The following RAD51 variants were observed in gnomAD, a reference collection of about 807,000 sequenced individuals.
RAD51 encodes RAD51 recombinase, also known as DNA repair protein RAD51 homolog 1.
In RAD51, 14 loss-of-function variants were observed where a neutral mutation model predicts 41.5. That is an observed-to-expected ratio of 0.34 (90% CI 0.22 to 0.53). RAD51 has a LOEUF of 0.53. Ranked by LOEUF, RAD51 falls within the 20% of genes least tolerant of loss-of-function variation. RAD51 has a pLI of 0.95. For synonymous variants in RAD51, 136 were observed against 148.6 expected (o/e 0.92, Z 0.62); for missense variants, 234 against 422.0 (o/e 0.55, Z 3.90).
chr15:40,727,365 G>A (rs1430339357), intron 6 of RAD51, among the ~76,000 whole-genome samples: 1 of 152,060 alleles, frequency 6.6e-6, no homozygotes, highest in Admixed American at 6.6e-5. Context: ...ATGGAGTGCA[G>A]TGGTGCGATC....
chr15:40,698,937 T>A (rs896643502), intron 2 of RAD51, 92 bp downstream of exon 2: 6 of 1,319,288 alleles, frequency 4.5e-6, no homozygotes, highest in Admixed American at 3.5e-5. Flanking sequence ...ATAGGTTTAC[T>A]ACCAAGGTCA....
chr15:40,696,829 G>C (rs1894669353), intron 1 of RAD51, among the ~76,000 whole-genome samples: 1 of 147,012 alleles, frequency 6.8e-6, no homozygotes, highest in Non-Finnish European at 1.5e-5. Flanking sequence ...GTCTTAATGT[G>C]ATTTTAATTT....
At position 40,718,797 on chromosome 15, in the gene RAD51, C is replaced by A; in HGVS notation, c.436-8C>A. 1 of 1,594,494 alleles carries A rather than the reference C, an allele frequency of 6.3e-7. No individual in the cohort carries two copies. The highest frequency in any genetic ancestry group is 1.1e-5 in the South Asian group (1 of 90,658). ...GTTCATTTCTACTGTTGTTTTTGTT[C>A]TCTATAGCTTCCCATTGACCGGGGT... On this transcript the variant is annotated splice_region_variant and splice_polypyrimidine_tract_variant and intron_variant, in intron 5 of 9. Coordinates refer to ENST00000267868, the MANE Select transcript of RAD51 (RefSeq NM_002875.5).
chr15:40,701,282 A>G, intron 3 of RAD51, 81 bp downstream of exon 3: 1 of 1,482,102 alleles, frequency 6.7e-7, no homozygotes, highest in Non-Finnish European at 9.4e-7. Flanking sequence ...TCTTCCTTCT[A>G]TCTCTTATTC....
At chr15:40,730,962 T>C (rs985166117) in intron 9 of RAD51, 93 bp from the exon 10 acceptor site, 26 of 1,522,656 alleles carry the variant, frequency 1.7e-5, no homozygotes, top group Non-Finnish European at 2.2e-5. Context: ...AGGAAGAATA[T>C]ATGTCTAAAA....
intron 6 of RAD51, among the ~76,000 whole-genome samples, chr15:40,727,371 C>T (rs564256819): frequency 2.0e-5 from 3 of 152,016 alleles, no homozygotes; most frequent in Non-Finnish European, 4.4e-5. Flanking sequence ...TGCAGTGGTG[C>T]GATCTCGGCT....
chr15:40,730,726 G>A (rs375478746), intron 9 of RAD51, among the ~76,000 whole-genome samples: 2 of 151,722 alleles, frequency 1.3e-5, no homozygotes, highest in African/African-American at 2.4e-5. Context: ...GTTTCACAGT[G>A]TTAGCCAGGA....
chr15:40,730,856 G>A (rs570117812), intron 9 of RAD51, among the ~76,000 whole-genome samples, 199 bp from the exon 10 acceptor site: 36 of 151,898 alleles, frequency 2.4e-4, no homozygotes, highest in Middle Eastern at 6.8e-3. Context: ...GTTTCAATAT[G>A]GACAATCCAC....
chr15:40,696,841 C>T (rs934849159), intron 1 of RAD51, among the ~76,000 whole-genome samples: 30 of 137,950 alleles, frequency 2.2e-4, no homozygotes, highest in African/African-American at 7.4e-4. Flanking sequence ...TTTTAATTTT[C>T]CTGATTAATA....
intron 6 of RAD51, among the ~76,000 whole-genome samples, chr15:40,720,000 A>G (rs1365085478): frequency 6.6e-6 from 1 of 152,204 alleles, no homozygotes; most frequent in Non-Finnish European, 1.5e-5. Flanking sequence ...CAACTCATCA[A>G]TAATAGTAAG....
chr15:40,718,772 G>A lies in RAD51; in HGVS notation c.436-33G>A, dbSNP rs772697819. 9.9e-6 allele frequency: 15 copies of A among 1,520,384 alleles called. 1 individual carries two copies. The South Asian group carries it at 1.1e-4, about 11-fold the overall frequency. The allele number at this position is 1,520,384 out of a possible 1,614,324, so 94.2% of individuals were successfully genotyped here. A position where few individuals can be genotyped will look rare whatever the true frequency, so the allele number is the denominator to read the frequency against. On this transcript the variant is annotated intron_variant, in intron 5 of 9. Coordinates refer to ENST00000267868, the MANE Select transcript of RAD51 (RefSeq NM_002875.5). The stretch of plus-strand genomic sequence containing the variant: ...TGGTCAGCTGTATCAGAAATACAAT[G>A]TTCATTTCTACTGTTGTTTTTGTTC...
rs751900607 is a variant in RAD51, at chr15:40,707,150, ATTTTTTTTTTTT to A, written c.343+871_343+882del. 2.4e-4 allele frequency among the ~76,000 whole-genome samples: 22 copies of A among 93,610 alleles called. 2 individuals are homozygous for A. The highest frequency in any genetic ancestry group is 2.2e-3 in the Admixed American group (19 of 8,492). The allele number at this position is 93,610 out of a possible 152,430, so 61.4% of individuals were successfully genotyped here. A position where few individuals can be genotyped will look rare whatever the true frequency, so the allele number is the denominator to read the frequency against. On this transcript the variant is annotated intron_variant, in intron 4 of 9. Transcript: ENST00000267868. ...ACTATGATCATTTACCACCTGGCTA[ATTTTTTTTTTTT>A]TTTTTTTTTTTTTTGAGTCGGGGCA... is the stretch of plus-strand genomic sequence containing the variant.
chr15:40,701,229 G>A, intron 3 of RAD51, 28 bp downstream of exon 3: 2 of 1,611,482 alleles, frequency 1.2e-6, no homozygotes, highest in Non-Finnish European at 8.5e-7. Flanking sequence ...AACCTAGGGA[G>A]GCATTAGTGG....
intron 9 of RAD51, among the ~76,000 whole-genome samples, chr15:40,730,298 CCAGGAATTCGA>C (rs1896800975): frequency 6.6e-6 from 1 of 151,888 alleles, no homozygotes; most frequent in South Asian, 2.1e-4. Context: ...TGGTTTGAGG[CCAGGAATTCGA>C]CACTAGTAAG....
At chr15:40,708,931 A>G (rs963798150) in intron 4 of RAD51, 94 bp from the exon 5 acceptor site, 60 of 1,139,456 alleles carry the variant, frequency 5.3e-5, no homozygotes, top group Non-Finnish European at 7.5e-5. Flanking sequence ...TAACTTACAT[A>G]AACATCTTTC....
intron 6 of RAD51, among the ~76,000 whole-genome samples, chr15:40,722,737 A>G (rs1896344458): frequency 1.3e-5 from 2 of 152,212 alleles, no homozygotes; most frequent in African/African-American, 2.4e-5. Flanking sequence ...GAGCCTAACT[A>G]TAATTTTTCA....
intron 6 of RAD51, among the ~76,000 whole-genome samples, chr15:40,722,932 T>C (rs1596014622): frequency 6.6e-6 from 1 of 152,088 alleles, no homozygotes; most frequent in East Asian, 1.9e-4. Context: ...CCAAAGAATG[T>C]GAGAAAATAT....
intron 5 of RAD51, among the ~76,000 whole-genome samples, chr15:40,713,645 C>G (rs374609855): frequency 6.4e-5 from 9 of 141,476 alleles, no homozygotes; most frequent in African/African-American, 2.2e-4. Context: ...CTCATTCTGT[C>G]GCCTGGGCTG....
At chr15:40,730,520 C>CTTTTTTTTTTTTTCTTTTCTTT (rs1555429746) in intron 9 of RAD51, among the ~76,000 whole-genome samples, 2 of 113,110 alleles carry the variant, frequency 1.8e-5, no homozygotes, top group Non-Finnish European at 3.4e-5. Flanking sequence ...AATTTTTTTT[C>CTTTTTTTTTTTTTCTTTTCTTT]TTTTTTTTTT....
Sources: allele counts gnomAD v4.1 joint callset (sites outside exome capture counted in the v4.1 genomes callset), GRCh38; gene constraint gnomAD v4.1.1; transcripts MANE v1.5; gene names NCBI Gene and HGNC (gene_info 2026-07-23, HGNC 2026-07-21).